Variants in SYNE1 observed in about 807,000 individuals in gnomAD.
The protein encoded by SYNE1 is nesprin-1.
A neutral mutation model predicts 1,111.0 loss-of-function variants in SYNE1; 616 were observed. That is an observed-to-expected ratio of 0.55 (90% confidence interval 0.52 to 0.59). SYNE1 has a LOEUF of 0.59. Among genes scored for constraint, SYNE1 ranks in the 20% least tolerant of loss-of-function variants. SYNE1 has a pLI of 0.00. For synonymous variants in SYNE1, 3,855 were observed against 3,825.8 expected, an observed-to-expected ratio of 1.01 and a Z score of -0.28; for missense variants, 10,006 against 10,417.0, an observed-to-expected ratio of 0.96 and a Z score of 1.72.
At chr6:152,475,246 T>C (rs566568532) in intron 14 of SYNE1, among the ~76,000 whole-genome samples, 135 of 152,350 alleles carry the variant, frequency 8.9e-4, no homozygotes, top group African/African-American at 3.1e-3. Context: ...CAGTCACTCC[T>C]TGACTCATGA....
rs764642972 is a variant in SYNE1 at position 152,154,774 on chromosome 6, C to A, written c.24129+118G>T. The A allele has an allele frequency of 3.4e-5, 39 of 1,161,736 alleles. No individual in the cohort carries two copies. The Admixed American group carries it at 6.2e-4, about 18-fold the overall frequency. 72.0% of individuals were successfully genotyped at this position (1,161,736 alleles called of 1,614,324 possible). A position where few individuals can be genotyped will look rare whatever the true frequency, so the allele number is the denominator to read the frequency against. ...AATAAAGATGGCTGCAAAGTCCTCA[C>A]GCAGCAATTTGAGCAGATAACATGT... On this transcript the variant is annotated intron_variant, in intron 133 of 145. Transcript: ENST00000367255.
intron 76 of SYNE1, chr6:152,336,220 T>C (rs2096386075): frequency 6.2e-6 from 1 of 160,814 alleles, no homozygotes; most frequent in Non-Finnish European, 1.4e-5. Flanking sequence ...CTCTGTAGAC[T>C]AAATCACACC....
intron 3 of SYNE1, among the ~76,000 whole-genome samples, chr6:152,582,159 C>A (rs1266244772): frequency 1.3e-5 from 2 of 152,080 alleles, no homozygotes; most frequent in African/African-American, 2.4e-5. Flanking sequence ...CAGCTGCCTG[C>A]CTGAAGGGAA....
chr6:152,189,349 T>C lies in SYNE1; in HGVS notation c.23204A>G (p.Lys7735Arg), dbSNP rs765355233. The change falls in exon 128 of 146, where the codon AAG (lysine) becomes AGG (arginine). Residue 7735 changes from lysine (K) to arginine (R), a missense_variant. Physicochemically the swap from Lys to Arg is conservative, Grantham distance 26. Coordinates refer to ENST00000367255, the MANE Select transcript of SYNE1 (RefSeq NM_182961.4). ...ACTGATATAGGCAGAGAGGGTGTCC[T>C]TCAGCAGGCTCAACTGGGTCAAGTC... The part of the protein sequence containing the change: ...TDDLTQLSLL[K>R]DTLSAYISAD... 1 of 1,614,128 alleles carries C rather than the reference T, an allele frequency of 6.2e-7. No homozygotes were observed. Among genetic ancestry groups the C allele is most frequent in the Non-Finnish European group, 8.5e-7 (1 of 1,180,004 alleles).
chr6:152,350,756 C>T lies in SYNE1; in HGVS notation c.11595G>A (p.Thr3865=), dbSNP rs760332489. 6.2e-6 allele frequency: 10 copies of T among 1,609,794 alleles called. No homozygotes were observed. Among genetic ancestry groups the T allele is most frequent in the East Asian group, 4.5e-5 (2 of 44,662 alleles). Residue 3865 remains threonine, a synonymous_variant, in exon 71 of 146, where the codon ACG becomes ACA. Coordinates refer to ENST00000367255, the MANE Select transcript of SYNE1 (RefSeq NM_182961.4). ...QLSKYKSLQQ[T]VLSHEPSVKS... is the part of the protein sequence containing the mutation. ...TTACTGATGGTTCATGGGACAGCACCGTTTGTTGAAGTGACTTGAATTACA... is the reference window on the plus strand; with the variant it reads ...TTACTGATGGTTCATGGGACAGCACTGTTTGTTGAAGTGACTTGAATTACA...
intron 30 of SYNE1, among the ~76,000 whole-genome samples, chr6:152,443,260 A>AT (rs2098548897): frequency 6.6e-6 from 1 of 152,090 alleles, no homozygotes; most frequent in African/African-American, 2.4e-5. Context: ...CCAAATATTA[A>AT]TTTTTTATAC....
chr6:152,615,519 T>G (rs1437161900), intron 3 of SYNE1, among the ~76,000 whole-genome samples: 1 of 152,136 alleles, frequency 6.6e-6, no homozygotes, highest in African/African-American at 2.4e-5. Context: ...ATTATTATTA[T>G]GGTGCTAAGA....
intron 22 of SYNE1, among the ~76,000 whole-genome samples, chr6:152,458,328 G>T (rs1445332022): frequency 2.0e-5 from 3 of 152,272 alleles, no homozygotes; most frequent in Admixed American, 1.3e-4. Flanking sequence ...TGTGAACTTT[G>T]CACTTTCTGT....
chr6:152,148,443 C>A lies in SYNE1; in HGVS notation c.24643-65G>T. On this transcript the variant is annotated intron_variant, in intron 136 of 145. Coordinates refer to ENST00000367255, the MANE Select transcript of SYNE1 (RefSeq NM_182961.4). The surrounding 1 kb of genome is among the most constrained non-coding windows in gnomAD (Gnocchi z 4.1). The stretch of plus-strand genomic sequence containing the variant: ...CAGACTAGCTTCTTATCTGGGCCAC[C>A]TGCCTACCATGTGGGGACAATTTTT... 6.7e-7 allele frequency: 1 copy of A among 1,488,356 alleles called. No homozygotes were observed. Among genetic ancestry groups the A allele is most frequent in the South Asian group, 1.2e-5 (1 of 85,242 alleles). The allele number at this position is 1,488,356 out of a possible 1,614,324, so 92.2% of individuals were successfully genotyped here.
At position 152,534,412 on chromosome 6, in the gene SYNE1, T is replaced by A. The variant is rs550290500; in HGVS notation, c.129+5548A>T. 3.9e-5 allele frequency among the ~76,000 whole-genome samples: 6 copies of A among 152,236 alleles called. No homozygotes were observed. In the South Asian group the frequency reaches 1.2e-3, roughly 32 times the overall value. On this transcript the variant is annotated intron_variant, in intron 4 of 145. Transcript: ENST00000367255. ...AACATTTTAATTACATATTTGGAAATAACTAATTTATTAGAATGTTTAGGG... is the reference window on the plus strand; with the variant it reads ...AACATTTTAATTACATATTTGGAAAAAACTAATTTATTAGAATGTTTAGGG...
At chr6:152,230,900 G>A (rs1034592248) in intron 114 of SYNE1, among the ~76,000 whole-genome samples, 198 bp from the exon 115 acceptor site, 2 of 151,512 alleles carry the variant, frequency 1.3e-5, no homozygotes, top group African/African-American at 4.9e-5. Context: ...ATTGTCTTGA[G>A]CCACACATAA....
chr6:152,310,933 A>G, intron 87 of SYNE1, 60 bp from the exon 88 acceptor site: 1 of 1,551,434 alleles, frequency 6.4e-7, no homozygotes. Context: ...ATAGATATTC[A>G]ATATAGCTTG....
In SYNE1 at chr6:152,352,315, C is replaced by T. The variant is rs2154040041; in HGVS notation, c.11292G>A (p.Leu3764=). 2.5e-6 allele frequency: 4 copies of T among 1,614,150 alleles called. No individual in the cohort carries two copies. Among genetic ancestry groups the T allele is most frequent in the Non-Finnish European group, 3.4e-6 (4 of 1,180,020 alleles). ...LKDMEKGHSL[L]KSAREKGERA... ...TCTCTCCTTTCTCCCGGGCTGATTT[C>T]AGCAAACTGTGACCTTTCTCCATGT... is the stretch of plus-strand genomic sequence containing the variant. Residue 3764 remains leucine (L), a synonymous_variant, in exon 70 of 146, where the codon CTG becomes CTA. Coordinates refer to ENST00000367255, the MANE Select transcript of SYNE1 (RefSeq NM_182961.4).
chr6:152,364,730 G>GGAAGGGGGGA, intron 63 of SYNE1, 117 bp downstream of exon 63: 1 of 679,546 alleles, frequency 1.5e-6, no homozygotes. Flanking sequence ...GGAAGGAAGG[G>GGAAGGGGGGA]AGGAAGGAAA....
At chr6:152,170,986 C>T (rs1229503380) in intron 130 of SYNE1, among the ~76,000 whole-genome samples, 1 of 152,154 alleles carries the variant, frequency 6.6e-6, no homozygotes, top group South Asian at 2.1e-4. Flanking sequence ...CCCCTTTTGC[C>T]TGGCTTTCAT....
Position 152,331,080 on chromosome 6 carries a change from C to T in SYNE1, c.13605G>A (p.Lys4535=). 6 of 1,614,206 alleles carry T rather than the reference C, an allele frequency of 3.7e-6. No homozygotes were observed. The highest frequency in any genetic ancestry group is 4.2e-6 in the Non-Finnish European group (5 of 1,180,038). ...TEQEKSEVLG[K]LQELQSVYDS... Reference sequence around the variant, plus strand: ...CATAGACACTCTGCAATTCCTGAAGCTTCCCCAGCACTTCACTCTTTTCCT... The same window carrying T: ...CATAGACACTCTGCAATTCCTGAAGTTTCCCCAGCACTTCACTCTTTTCCT... Residue 4535 remains lysine, a synonymous_variant, in exon 78 of 146, where the codon AAG becomes AAA. Coordinates refer to ENST00000367255, the MANE Select transcript of SYNE1 (RefSeq NM_182961.4).
At chr6:152,220,654 G>C (rs11970092) in intron 119 of SYNE1, among the ~76,000 whole-genome samples, 188 bp downstream of exon 119, 1 of 152,148 alleles carries the variant, frequency 6.6e-6, no homozygotes, top group South Asian at 2.1e-4. Flanking sequence ...ACAATGGGAG[G>C]AGACCTCTTA....
At chr6:152,421,869 C>G (rs1374948314) in intron 39 of SYNE1, among the ~76,000 whole-genome samples, 1 of 151,916 alleles carries the variant, frequency 6.6e-6, no homozygotes, top group Non-Finnish European at 1.5e-5. Context: ...CCACACCTGG[C>G]TAATTTTTGT....
chr6:152,288,627 A>G (rs1589385197), intron 95 of SYNE1, among the ~76,000 whole-genome samples: 2 of 152,138 alleles, frequency 1.3e-5, no homozygotes, highest in Admixed American at 6.6e-5. Context: ...GCTCACTGCA[A>G]CCTCCGCCCC....
Sources: gnomAD v4.1 joint callset for allele counts (sites outside exome capture counted in the v4.1 genomes callset) on GRCh38, gnomAD v4.1.1 for gene constraint, Gnocchi (gnomAD v3.1) non-coding constraint, MANE v1.5 for transcripts, NCBI Gene and HGNC (gene_info 2026-07-23, HGNC 2026-07-21) for gene names.